ZNF536: variants seen among roughly 807,000 people sequenced by gnomAD.
The protein encoded by ZNF536 is zinc finger protein 536.
A neutral mutation model predicts 84.5 loss-of-function variants in ZNF536; 13 were observed. The observed-to-expected ratio is 0.15, with a 90% confidence interval of 0.10 to 0.24. The LOEUF (loss-of-function observed/expected upper bound fraction) is 0.24. ZNF536 is among the 10% of genes least tolerant of loss of function. The probability of loss-of-function intolerance (pLI) is 1.00; values close to 1 mark genes in which losing one functional copy is unlikely to be tolerated. For missense variants in ZNF536, 1,536 were observed against 1,747.5 expected (o/e 0.88, Z 2.16); for synonymous variants, 811 against 742.5 (o/e 1.09, Z -1.50).
At chr19:30,697,924 A>G (rs2051731561) in intron 1 of ZNF536, among the ~76,000 whole-genome samples, 1 of 152,244 alleles carries the variant, frequency 6.6e-6, no homozygotes, top group South Asian at 2.1e-4. Context: ...GTTCACAGAA[A>G]ATCAATCAAA....
chr19:30,690,188 A>T (rs572900508), intron 1 of ZNF536, among the ~76,000 whole-genome samples: 3 of 152,338 alleles, frequency 2.0e-5, no homozygotes, highest in African/African-American at 7.2e-5. Context: ...TTTGTTAGGT[A>T]TCAATGGGGA....
chr19:30,544,994 C>A (rs1175364380), intron 3 of ZNF536, among the ~76,000 whole-genome samples: 1 of 152,212 alleles, frequency 6.6e-6, no homozygotes, highest in East Asian at 1.9e-4. Flanking sequence ...CCTGCTAAAC[C>A]ATTCATGGTT....
chr19:30,511,790 A>G (rs2145541201), intron 2 of ZNF536, among the ~76,000 whole-genome samples: 1 of 152,322 alleles, frequency 6.6e-6, no homozygotes, highest in Admixed American at 6.5e-5. Context: ...GTGGGGTAAA[A>G]TGCAAGGAGA....
chr19:30,454,517 T>C (rs896070829), intron 2 of ZNF536, among the ~76,000 whole-genome samples: 4 of 152,280 alleles, frequency 2.6e-5, no homozygotes, highest in African/African-American at 9.6e-5. Flanking sequence ...TTGCTAAATA[T>C]GTATATTTTT....
intron 2 of ZNF536, among the ~76,000 whole-genome samples, chr19:30,508,820 CTTTTTTTTTT>C (rs914349353): frequency 5.8e-5 from 4 of 68,770 alleles, no homozygotes; most frequent in East Asian, 4.0e-4. Flanking sequence ...TTCTTTCTTT[CTTTTTTTTTT>C]TTTTTTTTTT....
chr19:30,458,732 G>A (rs1056910711), intron 2 of ZNF536, among the ~76,000 whole-genome samples: 34 of 152,158 alleles, frequency 2.2e-4, no homozygotes, highest in African/African-American at 6.7e-4. Context: ...GATTACAGGC[G>A]TGAGCCACCA....
At chr19:30,466,706 A>G (rs2053417497) in intron 2 of ZNF536, among the ~76,000 whole-genome samples, 1 of 143,804 alleles carries the variant, frequency 7.0e-6, no homozygotes, top group Non-Finnish European at 1.5e-5. Flanking sequence ...GAAGGAAAGG[A>G]AGGTAGGAAG....
intron 1 of ZNF536, among the ~76,000 whole-genome samples, chr19:30,597,695 G>A (rs754950263): frequency 3.9e-5 from 6 of 152,254 alleles, no homozygotes; most frequent in Middle Eastern, 3.4e-3. Context: ...CACAGTAAGC[G>A]CTCAGTAATA....
At chr19:30,341,081 G>GA (rs144311228) in intron 2 of ZNF536, among the ~76,000 whole-genome samples, 3,665 of 152,216 alleles carry the variant, frequency 0.024, 153 homozygotes, top group African/African-American at 0.084. Flanking sequence ...TTCGGCAGTG[G>GA]AAAAAATCAT....
At chr19:30,634,287 T>C (rs2048988653) in intron 1 of ZNF536, among the ~76,000 whole-genome samples, 1 of 152,220 alleles carries the variant, frequency 6.6e-6, no homozygotes, top group South Asian at 2.1e-4. Flanking sequence ...AATGCTGTCA[T>C]AATATTGAGA....
At chr19:30,243,049 A>T (rs528281285) in intron 1 of ZNF536, among the ~76,000 whole-genome samples, 1 of 152,216 alleles carries the variant, frequency 6.6e-6, no homozygotes. Context: ...TAGAAAAATT[A>T]TGGAAACAAA....
At chr19:30,704,675 T>C (rs1356776089) in intron 1 of ZNF536, among the ~76,000 whole-genome samples, 3 of 137,062 alleles carry the variant, frequency 2.2e-5, no homozygotes, top group Non-Finnish European at 4.7e-5. Context: ...AAAAAAGAGA[T>C]AGATGGAAGT....
At chr19:30,329,008 T>C (rs533368642) in intron 2 of ZNF536, among the ~76,000 whole-genome samples, 29 of 152,352 alleles carry the variant, frequency 1.9e-4, no homozygotes, top group African/African-American at 7.0e-4. Context: ...GATACCCTCA[T>C]GCAAGGGAGC....
At chr19:30,366,362 C>CTCTATCTATCTATCTA (rs10563588) in intron 3 of ZNF536, among the ~76,000 whole-genome samples, 47 of 146,582 alleles carry the variant, frequency 3.2e-4, no homozygotes, top group South Asian at 6.8e-4. Context: ...CCTATCATAT[C>CTCTATCTATCTATCTA]TCTATCTATC....
At chr19:30,407,558 T>C (rs906850846) in intron 1 of ZNF536, among the ~76,000 whole-genome samples, 3 of 152,316 alleles carry the variant, frequency 2.0e-5, no homozygotes, top group Non-Finnish European at 2.9e-5. Flanking sequence ...CCTCACGAAC[T>C]TCTGACCAAC....
intron 1 of ZNF536, among the ~76,000 whole-genome samples, chr19:30,703,492 TC>T (rs1391250884): frequency 6.6e-6 from 1 of 152,172 alleles, no homozygotes; most frequent in Non-Finnish European, 1.5e-5. Flanking sequence ...CTGAACTTTC[TC>T]CCAGTGAAAT....
chr19:30,426,902 T>A (rs942511751), intron 1 of ZNF536, among the ~76,000 whole-genome samples: 1 of 152,214 alleles, frequency 6.6e-6, no homozygotes, highest in African/African-American at 2.4e-5. Context: ...ATGTATCTAT[T>A]TGTCTGTGTG....
intron 2 of ZNF536, among the ~76,000 whole-genome samples, chr19:30,457,148 C>T (rs768959037): frequency 5.9e-5 from 9 of 152,134 alleles, no homozygotes; most frequent in Non-Finnish European, 1.3e-4. Context: ...GAGACAGACA[C>T]ATGGGAGGGT....
rs2148181666 is a variant in ZNF536 at position 30,444,385 on chromosome 19, C to T, written c.823C>T (p.Arg275Cys). 1 of 1,605,680 alleles carries T rather than the reference C, an allele frequency of 6.2e-7. No homozygotes were observed. Among genetic ancestry groups the T allele is most frequent in the Non-Finnish European group, 8.5e-7 (1 of 1,179,686 alleles). Residue 275 changes from arginine (R) to cysteine (C), a missense_variant, in exon 2 of 5, where the codon CGC (arginine) becomes TGC (cysteine). Physicochemically the swap from Arg to Cys is radical, Grantham distance 180. Coordinates refer to ENST00000355537, the MANE Select transcript of ZNF536 (RefSeq NM_014717.3). Reference protein sequence around the residue: ...EDAVAPAAGFRCTFCKGKFKK... With the variant: ...EDAVAPAAGFCCTFCKGKFKK... ...CGCGGTGGCCCCGGCGGCGGGCTTCCGCTGTACCTTCTGCAAGGGCAAGTT... is the reference window on the plus strand; with the variant it reads ...CGCGGTGGCCCCGGCGGCGGGCTTCTGCTGTACCTTCTGCAAGGGCAAGTT...
Sources: allele counts gnomAD v4.1 joint callset (sites outside exome capture counted in the v4.1 genomes callset), GRCh38; gene constraint gnomAD v4.1.1; transcripts MANE v1.5; gene names NCBI Gene and HGNC (gene_info 2026-07-23, HGNC 2026-07-21).